The following CCNL1 variants were observed in gnomAD, a reference collection of about 807,000 sequenced individuals.
The protein encoded by CCNL1 is cyclin L1.
A neutral mutation model predicts 60.6 loss-of-function variants in CCNL1; 13 were observed. That is an observed-to-expected ratio of 0.21 (90% CI 0.14 to 0.34). CCNL1 has a LOEUF of 0.34. Among genes scored for constraint, CCNL1 ranks in the 10% least tolerant of loss-of-function variants. The probability of loss-of-function intolerance (pLI) is 1.00; values close to 1 mark genes in which losing one functional copy is unlikely to be tolerated. For missense variants in CCNL1, 481 were observed against 664.3 expected (o/e 0.72, Z 3.03); for synonymous variants, 270 against 244.3 (o/e 1.10, Z -0.98).
chr3:157,152,359 C>G (rs1266561560), intron 4 of CCNL1, 118 bp from the exon 5 acceptor site: 1 of 1,462,996 alleles, frequency 6.8e-7, no homozygotes, highest in African/African-American at 1.4e-5. Flanking sequence ...ATCGATAATA[C>G]AGACCAATTT....
downstream of CCNL1, among the ~76,000 whole-genome samples, chr3:157,145,498 GA>G (rs970490004): frequency 1.9e-4 from 15 of 80,346 alleles, no homozygotes; most frequent in African/African-American, 6.4e-4. Context: ...GTCATTTAAA[GA>G]AAAAAAGTAT....
chr3:157,153,791 C>T (rs1384540141), intron 3 of CCNL1: 2 of 152,102 alleles, frequency 1.3e-5, no homozygotes, highest in Non-Finnish European at 2.9e-5. Context: ...AATCCAGATT[C>T]CCCTCCAATG....
chr3:157,149,115 A>AAG, intron 10 of CCNL1, 172 bp downstream of exon 10: 1 of 603,794 alleles, frequency 1.7e-6, no homozygotes, highest in Non-Finnish European at 2.9e-6. Context: ...GAATGCCATT[A>AAG]AGATACTGTA....
intron 4 of CCNL1, 40 bp from the exon 5 acceptor site, chr3:157,152,281 T>C (rs1160024558): frequency 6.3e-7 from 1 of 1,584,900 alleles, no homozygotes; most frequent in Non-Finnish European, 8.5e-7. Context: ...AGTATACTGG[T>C]AGTTCTTTCG....
downstream of CCNL1, among the ~76,000 whole-genome samples, chr3:157,145,465 C>CAAAA (rs1737755671): frequency 1.5e-5 from 1 of 66,630 alleles, no homozygotes; most frequent in African/African-American, 6.0e-5. Context: ...AAAAAAAAAA[C>CAAAA]CAAAACGGGA....
At chr3:157,155,943 T>C (rs963503240) in intron 3 of CCNL1, among the ~76,000 whole-genome samples, 1 of 152,224 alleles carries the variant, frequency 6.6e-6, no homozygotes, top group South Asian at 2.1e-4. Context: ...TGTCCAATTT[T>C]TCTGATTTAT....
In CCNL1 at chr3:157,152,729, C is replaced by T. The variant is rs1014182551; in HGVS notation, c.609+307G>A. On this transcript the variant is annotated intron_variant, in intron 4 of 10. Transcript: ENST00000295926. The stretch of plus-strand genomic sequence containing the variant: ...TACTTTTGTAGCTACACATTTATTC[C>T]TTGGAATGAGGAACTTTACATCTCT... The T allele has an allele frequency of 5.2e-6, 6 of 1,148,612 alleles. No homozygotes were observed. In the African/African-American group the frequency reaches 8.3e-5, roughly 16 times the overall value. The allele number at this position is 1,148,612 out of a possible 1,614,324, so 71.2% of individuals were successfully genotyped here. A position where few individuals can be genotyped will look rare whatever the true frequency, so the allele number is the denominator to read the frequency against.
intron 3 of CCNL1, among the ~76,000 whole-genome samples, chr3:157,157,289 C>CA (rs1289990679): frequency 2.6e-5 from 4 of 152,088 alleles, no homozygotes; most frequent in African/African-American, 9.6e-5. Flanking sequence ...AATAATGACC[C>CA]AAAAAACAAA....
chr3:157,152,463 G>A, intron 4 of CCNL1: 1 of 1,239,394 alleles, frequency 8.1e-7, no homozygotes, highest in Non-Finnish European at 1.0e-6. Context: ...CAGGAAAAAA[G>A]GCAATTAAAA....
chr3:157,145,432 C>T (rs1225102497), downstream of CCNL1, among the ~76,000 whole-genome samples: 1 of 44,360 alleles, frequency 2.3e-5, no homozygotes, highest in Non-Finnish European at 3.8e-5. Flanking sequence ...AGCGAGACTT[C>T]ATCTCAAAAA....
At chr3:157,155,363 A>T (rs1577076312) in intron 3 of CCNL1, among the ~76,000 whole-genome samples, 1 of 152,190 alleles carries the variant, frequency 6.6e-6, no homozygotes, top group African/African-American at 2.4e-5. Flanking sequence ...AATATGTTTG[A>T]ATTATAGCTA....
At chr3:157,156,624 T>C (rs1738644490) in intron 3 of CCNL1, among the ~76,000 whole-genome samples, 1 of 152,200 alleles carries the variant, frequency 6.6e-6, no homozygotes, top group South Asian at 2.1e-4. Context: ...AAAGCTCCTC[T>C]GCTAATTCTC....
intron 4 of CCNL1, 137 bp from the exon 5 acceptor site, chr3:157,152,378 A>AT (rs1407570309): frequency 7.1e-7 from 1 of 1,410,236 alleles, no homozygotes; most frequent in Non-Finnish European, 9.3e-7. Flanking sequence ...TTAAATGTAC[A>AT]TAAGATTCTA....
intron 3 of CCNL1, chr3:157,157,167 T>C (rs1738685717): frequency 1.7e-6 from 2 of 1,164,860 alleles, no homozygotes; most frequent in African/African-American, 1.6e-5. Flanking sequence ...GTAATATGCA[T>C]AGAAACACTT....
chr3:157,152,040 G>A (rs532947952), intron 5 of CCNL1, 137 bp downstream of exon 5: 26 of 1,477,454 alleles, frequency 1.8e-5, no homozygotes, highest in African/African-American at 8.6e-5. Context: ...TTACCTTTTG[G>A]TTAAAAAAAC....
chr3:157,156,712 A>ACACTAC (rs1738652298), intron 3 of CCNL1, among the ~76,000 whole-genome samples: 2 of 152,246 alleles, frequency 1.3e-5, no homozygotes, highest in Admixed American at 1.3e-4. Context: ...TGTCAAAGTC[A>ACACTAC]CACTACAATT....
At chr3:157,151,848 GC>G in intron 5 of CCNL1, 1 of 1,174,742 alleles carries the variant, frequency 8.5e-7, no homozygotes. Context: ...TGGCTGGAGA[GC>G]AGGGTAGCCA....
intron 10 of CCNL1, 99 bp from the exon 11 acceptor site, chr3:157,148,688 C>T: frequency 2.9e-6 from 3 of 1,049,546 alleles, no homozygotes; most frequent in Non-Finnish European, 4.1e-6. Context: ...CTACCAGCTA[C>T]ATAAATGACA....
chr3:157,145,379 A>G (rs1019483229), downstream of CCNL1, among the ~76,000 whole-genome samples: 41 of 138,476 alleles, frequency 3.0e-4, no homozygotes, highest in African/African-American at 1.0e-3. Flanking sequence ...GGGAGCTTGC[A>G]GTAACCCGAG....
Sources: allele counts gnomAD v4.1 joint callset (sites outside exome capture counted in the v4.1 genomes callset), GRCh38; gene constraint gnomAD v4.1.1; transcripts MANE v1.5; gene names NCBI Gene and HGNC (gene_info 2026-07-23, HGNC 2026-07-21).